The following CCDC171 variants were observed in gnomAD, a reference collection of about 807,000 sequenced individuals.
The protein encoded by CCDC171 is coiled-coil domain-containing protein 171.
In CCDC171, 177 loss-of-function variants were observed where a neutral mutation model predicts 168.2. The observed-to-expected ratio is 1.05, with a 90% CI of 0.93 to 1.19. CCDC171 has a LOEUF of 1.19. Ranked by LOEUF, CCDC171 falls within the 50% of genes most tolerant of loss-of-function variation. The probability of loss-of-function intolerance (pLI) is 0.00; values close to 1 mark genes in which losing one functional copy is unlikely to be tolerated. For missense variants in CCDC171, 1,991 were observed against 1,539.0 expected (o/e 1.29, Z -4.91); for synonymous variants, 687 against 540.8 (o/e 1.27, Z -3.75).
chr9:15,846,940 GT>G, intron 22 of CCDC171, 93 bp downstream of exon 22: 1 of 1,075,790 alleles, frequency 9.3e-7, no homozygotes, highest in Non-Finnish European at 1.3e-6. Flanking sequence ...ATAATACAGT[GT>G]TAGAAAACAA....
chr9:16,066,082 A>C (rs1179018332), downstream of CCDC171, among the ~76,000 whole-genome samples: 2 of 152,090 alleles, frequency 1.3e-5, no homozygotes, highest in African/African-American at 4.8e-5. Context: ...CTGTCCATGG[A>C]CATCAGGAGC....
chr9:15,679,374 C>T (rs966325225), intron 10 of CCDC171, among the ~76,000 whole-genome samples: 1 of 152,286 alleles, frequency 6.6e-6, no homozygotes, highest in African/African-American at 2.4e-5. Flanking sequence ...ATTTAAAACT[C>T]ATCAGCATCT....
chr9:15,755,995 G>A (rs1360175445), intron 18 of CCDC171, among the ~76,000 whole-genome samples: 1 of 152,198 alleles, frequency 6.6e-6, no homozygotes, highest in Non-Finnish European at 1.5e-5. Flanking sequence ...GTGAAGAGAT[G>A]TGGCTGCTGA....
intron 16 of CCDC171, among the ~76,000 whole-genome samples, chr9:15,735,590 A>G (rs1022238656): frequency 1.3e-5 from 2 of 152,190 alleles, no homozygotes; most frequent in Admixed American, 1.3e-4. Flanking sequence ...ATTGCATTTT[A>G]TTCTTCTTTT....
intron 21 of CCDC171, among the ~76,000 whole-genome samples, chr9:15,788,972 C>CTGCATTTATTGCATAAATGCAG (rs2058109871): frequency 3.3e-5 from 5 of 151,446 alleles, no homozygotes; most frequent in Admixed American, 6.6e-5. Flanking sequence ...AATAAATGCA[C>CTGCATTTATTGCATAAATGCAG]TGCATTTATT....
intron 21 of CCDC171, among the ~76,000 whole-genome samples, chr9:15,811,557 A>C (rs777989117): frequency 1.3e-5 from 2 of 152,222 alleles, no homozygotes; most frequent in African/African-American, 2.4e-5. Flanking sequence ...AGACAATGAA[A>C]GCTGCATATG....
chr9:15,940,216 A>G (rs1021917156), intron 25 of CCDC171, among the ~76,000 whole-genome samples: 1 of 151,956 alleles, frequency 6.6e-6, no homozygotes, highest in Non-Finnish European at 1.5e-5. Flanking sequence ...TATATTTTGT[A>G]TTTGACCTTT....
chr9:15,982,300 G>T (rs184820441), intron 3 of CCDC171, among the ~76,000 whole-genome samples: 5 of 152,128 alleles, frequency 3.3e-5, no homozygotes, highest in East Asian at 1.9e-4. Context: ...ATTTAGAACC[G>T]TATTCACTCA....
At chr9:15,854,919 A>G (rs187463910) in intron 23 of CCDC171, among the ~76,000 whole-genome samples, 27 of 151,886 alleles carry the variant, frequency 1.8e-4, no homozygotes, top group African/African-American at 6.3e-4. Flanking sequence ...ATGGAGTTAT[A>G]CTTTAATTTT....
At chr9:16,095,491 A>ATCTCTCTTTCCGTCTCTGTCTCTCTTC in the CCDC171 span, among the ~76,000 whole-genome samples, 1 of 150,136 alleles carries the variant, frequency 6.7e-6, no homozygotes, top group Non-Finnish European at 1.5e-5. Context: ...TTTTCTCTAT[A>ATCTCTCTTTCCGTCTCTGTCTCTCTTC]TCTCTCTTTC....
chr9:15,556,826 C>A (rs2038841605), intron 1 of CCDC171, among the ~76,000 whole-genome samples: 1 of 151,986 alleles, frequency 6.6e-6, no homozygotes, highest in African/African-American at 2.4e-5. Context: ...ATGCCTATGT[C>A]CTGAATGGTA....
At chr9:15,724,067 A>G (rs1373419326) in intron 13 of CCDC171, among the ~76,000 whole-genome samples, 2 of 152,232 alleles carry the variant, frequency 1.3e-5, no homozygotes, top group Non-Finnish European at 2.9e-5. Flanking sequence ...CATATTTTAC[A>G]TAAGCACATC....
intron 24 of CCDC171, among the ~76,000 whole-genome samples, chr9:15,906,258 G>A (rs563355390): frequency 5.3e-4 from 80 of 152,154 alleles, no homozygotes; most frequent in African/African-American, 1.5e-3. Context: ...GATGAACATC[G>A]ATGCAAAAAT....
chr9:15,597,379 C>T (rs1329230011), intron 6 of CCDC171, among the ~76,000 whole-genome samples: 2 of 152,060 alleles, frequency 1.3e-5, no homozygotes, highest in Non-Finnish European at 2.9e-5. Flanking sequence ...TTGTCAAAGG[C>T]CTTTTCTGCA....
At chr9:15,681,411 C>T (rs1221259451) in intron 10 of CCDC171, among the ~76,000 whole-genome samples, 6 of 151,972 alleles carry the variant, frequency 3.9e-5, no homozygotes, top group Non-Finnish European at 8.8e-5. Flanking sequence ...CATAGCTTTG[C>T]GTCTTATTTT....
At chr9:15,955,970 G>A (rs1042463348) in intron 25 of CCDC171, among the ~76,000 whole-genome samples, 4 of 152,128 alleles carry the variant, frequency 2.6e-5, no homozygotes, top group African/African-American at 9.7e-5. Context: ...AAAAGGATTC[G>A]ATTCTAGATA....
At chr9:15,987,291 G>A (rs1446094627) in intron 3 of CCDC171, among the ~76,000 whole-genome samples, 1 of 152,106 alleles carries the variant, frequency 6.6e-6, no homozygotes, top group Non-Finnish European at 1.5e-5. Flanking sequence ...TTGGAGGAGG[G>A]TGAGGATTGA....
Position 15,778,853 on chromosome 9 carries a change from T to C in CCDC171, c.2899-115T>C, listed in dbSNP as rs1430342345. 4 of 687,316 alleles carry C rather than the reference T, an allele frequency of 5.8e-6. No individual in the cohort carries two copies. The African/African-American group carries it at 7.4e-5, about 13-fold the overall frequency. The allele number at this position is 687,316 out of a possible 1,614,324, so 42.6% of individuals were successfully genotyped here. On this transcript the variant is annotated intron_variant, in intron 19 of 25. Transcript: ENST00000380701. ...AGTTTTCACCTCTACATTTCTGTAATAGCTAGCACTGGTTTTTGGATAATC... is the reference window on the plus strand; with the variant it reads ...AGTTTTCACCTCTACATTTCTGTAACAGCTAGCACTGGTTTTTGGATAATC...
rs191783976 is a variant in CCDC171, at chr9:15,768,429, T to C, written c.2672-9171T>C. ...CCCCATTGCTGTGGTCTTAGCTCAT[T>C]TTTTACATGTGTTACTAACCTGCTA... is the stretch of plus-strand genomic sequence containing the variant. On this transcript the variant is annotated intron_variant, in intron 18 of 25. Transcript: ENST00000380701. 2.8e-4 allele frequency among the ~76,000 whole-genome samples: 43 copies of C among 152,280 alleles called. 1 individual carries two copies. The highest frequency in any genetic ancestry group is 2.8e-3 in the Admixed American group (43 of 15,298).
Sources: gnomAD v4.1 joint callset for allele counts (sites outside exome capture counted in the v4.1 genomes callset) on GRCh38, gnomAD v4.1.1 for gene constraint, MANE v1.5 for transcripts, NCBI Gene and HGNC (gene_info 2026-07-23, HGNC 2026-07-21) for gene names.